Variants in EXOC4 observed in about 807,000 individuals in gnomAD.
The protein encoded by EXOC4 is exocyst complex component 4, also known as SEC8-like 1.
EXOC4 carries 71 observed loss-of-function variants against 107.2 expected under a neutral mutation model. The ratio of observed to expected loss-of-function variants is 0.66; its 90% CI spans 0.55 to 0.81. The LOEUF (loss-of-function observed/expected upper bound fraction) is 0.81. EXOC4 is among the 30% of genes least tolerant of loss of function. The probability of loss-of-function intolerance (pLI) is 0.00; values close to 1 mark genes in which losing one functional copy is unlikely to be tolerated. For synonymous variants in EXOC4, 456 were observed against 441.2 expected (o/e 1.03, Z -0.42); for missense variants, 1,108 against 1,189.6 (o/e 0.93, Z 1.01).
At chr7:133,948,579 G>A (rs558778060) in intron 14 of EXOC4, among the ~76,000 whole-genome samples, 1 of 152,232 alleles carries the variant, frequency 6.6e-6, no homozygotes, top group South Asian at 2.1e-4. Context: ...GCAAAGGGGC[G>A]AGATGTGCGA....
intron 14 of EXOC4, among the ~76,000 whole-genome samples, chr7:133,988,525 T>C (rs537299493): frequency 3.2e-4 from 48 of 152,354 alleles, no homozygotes; most frequent in African/African-American, 1.0e-3. Flanking sequence ...CATAATTCTT[T>C]CACTGAAGTA....
At chr7:133,717,276 T>C (rs139057642) in intron 10 of EXOC4, among the ~76,000 whole-genome samples, 3 of 152,370 alleles carry the variant, frequency 2.0e-5, no homozygotes, top group Admixed American at 6.5e-5. Flanking sequence ...GTGAGCTTTA[T>C]AATTTTATCA....
chr7:133,335,768 A>G (rs1795498472), intron 5 of EXOC4, among the ~76,000 whole-genome samples: 1 of 152,202 alleles, frequency 6.6e-6, no homozygotes, highest in African/African-American at 2.4e-5. Flanking sequence ...TGCTGTTTTC[A>G]CAGCAGGTAT....
intron 10 of EXOC4, among the ~76,000 whole-genome samples, chr7:133,769,558 C>G (rs944499121): frequency 6.6e-6 from 1 of 151,374 alleles, no homozygotes; most frequent in Non-Finnish European, 1.5e-5. Context: ...CACAGAAGGA[C>G]AAATGATTTC....
intron 9 of EXOC4, among the ~76,000 whole-genome samples, chr7:133,529,466 G>A (rs1251847288): frequency 6.6e-6 from 1 of 152,116 alleles, no homozygotes; most frequent in Non-Finnish European, 1.5e-5. Context: ...TTTTATATCA[G>A]ATGCTTAGTC....
At chr7:133,444,888 A>G (rs566212127) in intron 7 of EXOC4, among the ~76,000 whole-genome samples, 3 of 152,302 alleles carry the variant, frequency 2.0e-5, no homozygotes, top group South Asian at 2.1e-4. Flanking sequence ...TTAAAGTCAC[A>G]GGACTGGATG....
chr7:133,970,687 C>T (rs1441551517), intron 14 of EXOC4, among the ~76,000 whole-genome samples: 2 of 152,076 alleles, frequency 1.3e-5, no homozygotes, highest in South Asian at 2.1e-4. Context: ...AGTGTCTAAC[C>T]GGTCCCAATG....
chr7:133,288,500 G>A (rs1353399044), intron 2 of EXOC4, among the ~76,000 whole-genome samples: 1 of 152,192 alleles, frequency 6.6e-6, no homozygotes. Flanking sequence ...TGGAGTTCTA[G>A]AGCTAGAAGC....
intron 12 of EXOC4, among the ~76,000 whole-genome samples, chr7:133,899,057 A>T (rs1799390322): frequency 6.6e-6 from 1 of 151,804 alleles, no homozygotes; most frequent in African/African-American, 2.4e-5. Flanking sequence ...ATAATATTAT[A>T]TTTTAAATTT....
At chr7:134,085,803 G>A in the EXOC4 span, among the ~76,000 whole-genome samples, 1 of 152,200 alleles carries the variant, frequency 6.6e-6, no homozygotes, top group Admixed American at 6.5e-5. Flanking sequence ...AATACCAGTT[G>A]GGGCAAATGG....
At chr7:133,281,995 G>A (rs946993764) in intron 2 of EXOC4, among the ~76,000 whole-genome samples, 7 of 152,098 alleles carry the variant, frequency 4.6e-5, no homozygotes, top group African/African-American at 1.4e-4. Flanking sequence ...GAGCGATCAC[G>A]CCCAGACAAA....
chr7:133,277,635 T>G (rs1562999111), intron 2 of EXOC4, among the ~76,000 whole-genome samples: 4 of 152,240 alleles, frequency 2.6e-5, no homozygotes, highest in Admixed American at 1.3e-4. Context: ...AACTTTATTA[T>G]ATCTGATAAT....
At chr7:133,700,457 A>G (rs1021105678) in intron 10 of EXOC4, among the ~76,000 whole-genome samples, 8 of 152,276 alleles carry the variant, frequency 5.3e-5, no homozygotes, top group East Asian at 3.9e-4. Flanking sequence ...CTCTTTTCCT[A>G]TATTCGACTC....
At chr7:133,425,309 A>G (rs939784458) in intron 7 of EXOC4, among the ~76,000 whole-genome samples, 15 of 152,116 alleles carry the variant, frequency 9.9e-5, no homozygotes, top group Non-Finnish European at 2.2e-4. Flanking sequence ...TTTGTTTGAG[A>G]TGGAGTCTCG....
At chr7:133,401,436 G>A (rs1441774715) in intron 7 of EXOC4, among the ~76,000 whole-genome samples, 1 of 151,888 alleles carries the variant, frequency 6.6e-6, no homozygotes, top group Non-Finnish European at 1.5e-5. Context: ...CTTGAGATAG[G>A]AGGATCATGA....
intron 6 of EXOC4, among the ~76,000 whole-genome samples, chr7:133,358,459 C>G (rs1456384747): frequency 6.6e-6 from 1 of 152,104 alleles, no homozygotes; most frequent in African/African-American, 2.4e-5. Flanking sequence ...CGGTGCCTTC[C>G]CCAAATTCCA....
intron 10 of EXOC4, among the ~76,000 whole-genome samples, chr7:133,799,933 A>G (rs760238993): frequency 6.6e-6 from 1 of 152,192 alleles, no homozygotes; most frequent in Non-Finnish European, 1.5e-5. Flanking sequence ...TGCACACTCA[A>G]AGGAGCAGGT....
At chr7:133,620,773 A>G (rs574936466) in intron 9 of EXOC4, among the ~76,000 whole-genome samples, 1 of 152,362 alleles carries the variant, frequency 6.6e-6, no homozygotes, top group South Asian at 2.1e-4. Context: ...TCAAATAGCC[A>G]CTAAAACATA....
rs547527205 is a variant in EXOC4, at chr7:133,402,935, A to C, written c.1182+27933A>C. On this transcript the variant is annotated intron_variant, in intron 7 of 17. Transcript: ENST00000253861. ...GAGTCTCACTCTGTCGCCAGGCTAG[A>C]GAGCAGTGGAACGATCTTGGCTCAC... 7.6e-5 allele frequency among the ~76,000 whole-genome samples: 11 copies of C among 144,656 alleles called. No homozygotes were observed. The East Asian group carries it at 2.0e-3, about 27-fold the overall frequency. The allele number at this position is 144,656 out of a possible 152,430, so 94.9% of individuals were successfully genotyped here.
Sources: allele counts gnomAD v4.1 joint callset (sites outside exome capture counted in the v4.1 genomes callset), GRCh38; gene constraint gnomAD v4.1.1; transcripts MANE v1.5; gene names NCBI Gene and HGNC (gene_info 2026-07-23, HGNC 2026-07-21).